The following AFF2 variants were observed in gnomAD, a reference collection of about 807,000 sequenced individuals.
AFF2 encodes ALF transcription elongation factor 2.
Under a neutral mutation model 76.9 loss-of-function variants are expected in AFF2, and 14 were observed. That is an observed-to-expected ratio of 0.18 (90% CI 0.12 to 0.28). The LOEUF (loss-of-function observed/expected upper bound fraction) is 0.28. Ranked by LOEUF, AFF2 falls within the 10% of genes least tolerant of loss-of-function variation. The probability of loss-of-function intolerance (pLI) is 1.00; values close to 1 mark genes in which losing one functional copy is unlikely to be tolerated. For missense variants in AFF2, 868 were observed against 1,001.1 expected, an observed-to-expected ratio of 0.87 and a Z score of 1.79; for synonymous variants, 398 against 366.7, an observed-to-expected ratio of 1.09 and a Z score of -0.98.
At chrX:148,722,986 T>G (rs2055111912) in intron 3 of AFF2, among the ~76,000 whole-genome samples, 1 of 111,352 alleles carries the variant, frequency 9.0e-6, no homozygotes. Flanking sequence ...AGGTTCTCAT[T>G]TTTCTCATGC....
At chrX:148,739,099 G>T (rs1449903909) in intron 3 of AFF2, among the ~76,000 whole-genome samples, 8 of 111,583 alleles carry the variant, frequency 7.2e-5, no homozygotes, top group African/African-American at 2.6e-4. Context: ...TACAGTTGTT[G>T]GATGAAATGT....
At chrX:148,501,284 C>T in intron 1 of AFF2, 140 bp downstream of exon 1, 3 of 796,144 alleles carry the variant, frequency 3.8e-6, no homozygotes, top group Admixed American at 5.6e-5. Flanking sequence ...CCACCTCTGG[C>T]CCCGGCCGCG....
chrX:148,671,057 A>T (rs1188709065), intron 3 of AFF2, among the ~76,000 whole-genome samples: 2 of 110,470 alleles, frequency 1.8e-5, no homozygotes, highest in Non-Finnish European at 3.8e-5. Context: ...GGTTCTAGCC[A>T]TCAGCATCCT....
At chrX:148,780,154 A>G (rs1557268964) in intron 3 of AFF2, among the ~76,000 whole-genome samples, 1 of 112,122 alleles carries the variant, frequency 8.9e-6, no homozygotes, top group Admixed American at 9.4e-5. Context: ...GGGTAACCCA[A>G]CCTTTCTCTC....
intron 3 of AFF2, among the ~76,000 whole-genome samples, chrX:148,681,547 T>C (rs1254890131): frequency 1.2e-5 from 1 of 82,053 alleles, no homozygotes; most frequent in Admixed American, 1.2e-4. Flanking sequence ...TGTGTGTGTG[T>C]GTGTGTGTGT....
chrX:148,764,273 T>C lies in AFF2; in HGVS notation c.1042-45603T>C, dbSNP rs782768017. On this transcript the variant is annotated intron_variant, in intron 3 of 20. Coordinates refer to ENST00000370460, the MANE Select transcript of AFF2 (RefSeq NM_002025.4). Reference sequence around the variant, plus strand: ...ATTGAGTGCAAAGTCATAGCCAAAATTGAAATTAGAAACAGATAATTATGA... The same window carrying C: ...ATTGAGTGCAAAGTCATAGCCAAAACTGAAATTAGAAACAGATAATTATGA... Among the ~76,000 whole-genome samples the C allele has an allele frequency of 1.5e-3, 164 of 112,236 alleles. 2 individuals are homozygous for C. The highest frequency in any genetic ancestry group is 4.9e-3 in the African/African-American group (151 of 30,987).
chrX:148,598,611 A>G (rs781832754), intron 1 of AFF2, among the ~76,000 whole-genome samples: 8 of 111,647 alleles, frequency 7.2e-5, no homozygotes, highest in Non-Finnish European at 1.1e-4. Flanking sequence ...TAGGAACAAT[A>G]ACGGTGTTAG....
intron 1 of AFF2, among the ~76,000 whole-genome samples, chrX:148,603,153 T>A (rs984353993): frequency 9.0e-6 from 1 of 111,156 alleles, no homozygotes; most frequent in South Asian, 3.7e-4. Context: ...AATTCTACAC[T>A]AAACCAAATT....
intron 9 of AFF2, among the ~76,000 whole-genome samples, chrX:148,936,732 C>T (rs1159397361): frequency 2.7e-5 from 3 of 112,368 alleles, no homozygotes; most frequent in Non-Finnish European, 3.8e-5. Flanking sequence ...CTGTGGGAAA[C>T]GGGCTACAGT....
At chrX:148,830,357 C>A (rs1557273221) in intron 4 of AFF2, among the ~76,000 whole-genome samples, 1 of 112,406 alleles carries the variant, frequency 8.9e-6, no homozygotes, top group African/African-American at 3.2e-5. Flanking sequence ...CTGGGAGCAG[C>A]AGCCTGTGCA....
At chrX:148,774,260 A>G (rs1179850787) in intron 3 of AFF2, among the ~76,000 whole-genome samples, 1 of 112,099 alleles carries the variant, frequency 8.9e-6, no homozygotes, top group African/African-American at 3.2e-5. Context: ...ATTTAGCGCA[A>G]GAGGAAAGAG....
chrX:148,774,638 A>G (rs781963524), intron 3 of AFF2, among the ~76,000 whole-genome samples: 4 of 111,496 alleles, frequency 3.6e-5, no homozygotes, highest in African/African-American at 6.5e-5. Flanking sequence ...AAAATTCCTA[A>G]TAGCAACCTG....
chrX:148,537,715 T>A (rs1557236797), intron 1 of AFF2, among the ~76,000 whole-genome samples: 2 of 110,794 alleles, frequency 1.8e-5, no homozygotes, highest in African/African-American at 6.6e-5. Context: ...TTTTCCTCCC[T>A]GCTGCTTAGC....
chrX:148,581,646 A>G (rs987060265), intron 1 of AFF2, among the ~76,000 whole-genome samples: 4 of 106,725 alleles, frequency 3.7e-5, no homozygotes, highest in African/African-American at 1.4e-4. Context: ...GTACACACAT[A>G]TATACATATA....
intron 1 of AFF2, among the ~76,000 whole-genome samples, chrX:148,643,775 A>G (rs1425468900): frequency 9.0e-6 from 1 of 111,489 alleles, no homozygotes; most frequent in Non-Finnish European, 1.9e-5. Flanking sequence ...TGCTTGGGGG[A>G]GAAGCGAAGT....
In AFF2 at chrX:148,536,858, GT is replaced by G. The variant is rs782569760; in HGVS notation, c.47+35723del. 6.3e-3 allele frequency among the ~76,000 whole-genome samples: 696 copies of G among 110,112 alleles called. 6 individuals carry two copies. Among genetic ancestry groups the G allele is most frequent in the African/African-American group, 0.021 (648 of 30,340 alleles). ...TTAAAATAGATTAATAAGCCAATAGGTTTTTTTTTAGAAAATCTTTTCCCAT... is the reference window on the plus strand; with the variant it reads ...TTAAAATAGATTAATAAGCCAATAGGTTTTTTTTAGAAAATCTTTTCCCAT... On this transcript the variant is annotated intron_variant, in intron 1 of 20. Coordinates refer to ENST00000370460, the MANE Select transcript of AFF2 (RefSeq NM_002025.4).
At chrX:148,989,306 T>A (rs1666828591) in intron 20 of AFF2, among the ~76,000 whole-genome samples, 1 of 112,696 alleles carries the variant, frequency 8.9e-6, no homozygotes, top group African/African-American at 3.2e-5. Flanking sequence ...CAAAATCTGT[T>A]AAAAGTATTT....
chrX:148,935,321 A>T (rs1352373995), intron 9 of AFF2, among the ~76,000 whole-genome samples: 3 of 110,427 alleles, frequency 2.7e-5, no homozygotes, highest in Non-Finnish European at 5.7e-5. Context: ...AATTAGGTTT[A>T]TATAAGACTT....
chrX:148,925,845 C>G (rs1356576659), intron 9 of AFF2, among the ~76,000 whole-genome samples: 1 of 111,955 alleles, frequency 8.9e-6, no homozygotes, highest in Non-Finnish European at 1.9e-5. Flanking sequence ...GGATAGCCTA[C>G]CAGCTGGGTT....
Sources: gnomAD v4.1 joint callset for allele counts (sites outside exome capture counted in the v4.1 genomes callset) on GRCh38, gnomAD v4.1.1 for gene constraint, MANE v1.5 for transcripts, NCBI Gene and HGNC (gene_info 2026-07-23, HGNC 2026-07-21) for gene names.